Variants in LHFPL2 observed in about 807,000 individuals in gnomAD.
LHFPL2 encodes the protein LHFPL tetraspan subfamily member 2.
A neutral mutation model predicts 17.5 loss-of-function variants in LHFPL2; 7 were observed. The observed-to-expected ratio is 0.40, with a 90% confidence interval of 0.23 to 0.75. The LOEUF (loss-of-function observed/expected upper bound fraction) is 0.75, where lower values mean the gene tolerates loss of function less well. Among genes scored for constraint, LHFPL2 ranks in the 30% least tolerant of loss-of-function variants. LHFPL2 has a pLI of 0.37. For synonymous variants in LHFPL2, 134 were observed against 116.2 expected (o/e 1.15, Z -0.99); for missense variants, 241 against 294.8 (o/e 0.82, Z 1.34).
intron 2 of LHFPL2, among the ~76,000 whole-genome samples, chr5:78,628,370 G>C (rs927994632): frequency 6.6e-6 from 1 of 152,212 alleles, no homozygotes; most frequent in African/African-American, 2.4e-5. Flanking sequence ...AGGCCAATGG[G>C]ATTAGTAATT....
intron 1 of LHFPL2, among the ~76,000 whole-genome samples, chr5:78,647,930 G>A (rs569807039): frequency 6.6e-6 from 1 of 151,960 alleles, no homozygotes; most frequent in Non-Finnish European, 1.5e-5. Context: ...CCCAGATGCG[G>A]TCTTCCCCAC....
At chr5:78,494,571 C>T in intron 4 of LHFPL2, 6 of 963,890 alleles carry the variant, frequency 6.2e-6, no homozygotes, top group Non-Finnish European at 6.2e-6. Context: ...GATGGTCAGT[C>T]ACTTGGACTG....
chr5:78,611,494 G>A (rs1744421971), intron 2 of LHFPL2, among the ~76,000 whole-genome samples: 1 of 152,190 alleles, frequency 6.6e-6, no homozygotes, highest in African/African-American at 2.4e-5. Context: ...CTGGCCCCAG[G>A]AAGTCCCGCC....
chr5:78,553,521 G>T lies in LHFPL2; in HGVS notation c.-186+11292C>A, dbSNP rs186793304. 1.2e-4 allele frequency among the ~76,000 whole-genome samples: 18 copies of T among 152,290 alleles called. No homozygotes were observed. The East Asian group carries it at 3.3e-3, about 28-fold the overall frequency. On this transcript the variant is annotated intron_variant, in intron 3 of 4. Transcript: ENST00000380345. The stretch of plus-strand genomic sequence containing the variant: ...AGTGATTAAATATCTGTAGTGTCCA[G>T]ATCATATCCCCTCACCCACTACATG...
chr5:78,530,655 A>G (rs1369183637), intron 3 of LHFPL2, among the ~76,000 whole-genome samples: 3 of 152,218 alleles, frequency 2.0e-5, no homozygotes, highest in Non-Finnish European at 4.4e-5. Context: ...GGCCTTATTA[A>G]TCACTTTTAT....
At chr5:78,618,128 G>A (rs990378378) in intron 2 of LHFPL2, among the ~76,000 whole-genome samples, 2 of 152,026 alleles carry the variant, frequency 1.3e-5, no homozygotes, top group Admixed American at 6.6e-5. Flanking sequence ...TTGAACCCGG[G>A]AGGCAGAGGT....
intron 2 of LHFPL2, among the ~76,000 whole-genome samples, chr5:78,575,307 G>A (rs1288202511): frequency 1.3e-5 from 2 of 152,212 alleles, no homozygotes; most frequent in East Asian, 3.8e-4. Context: ...CCAGCACTTT[G>A]GGAGGCCGAG....
At chr5:78,562,214 C>T (rs1006360613) in intron 3 of LHFPL2, among the ~76,000 whole-genome samples, 1 of 152,138 alleles carries the variant, frequency 6.6e-6, no homozygotes, top group Admixed American at 6.5e-5. Context: ...AAGGATTATC[C>T]ATGAGTAGAG....
rs138982792 is a variant in LHFPL2 at position 78,573,183 on chromosome 5, A to G, written c.-244-8312T>C. Among the ~76,000 whole-genome samples the G allele has an allele frequency of 6.2e-3, 937 of 152,312 alleles. 8 individuals carry two copies. The highest frequency in any genetic ancestry group is 0.021 in the African/African-American group (884 of 41,562). ...GAGTACAAGGAAAAAACTCATTTCT[A>G]CAAGATCCATGAACAGAATTGTCTA... On this transcript the variant is annotated intron_variant, in intron 2 of 4. Coordinates refer to ENST00000380345, the MANE Select transcript of LHFPL2 (RefSeq NM_005779.3).
chr5:78,582,055 T>A (rs1177475969), intron 2 of LHFPL2, among the ~76,000 whole-genome samples: 2 of 152,278 alleles, frequency 1.3e-5, no homozygotes, highest in Non-Finnish European at 2.9e-5. Flanking sequence ...CCATTACTTC[T>A]AGATTTTCTG....
At chr5:78,577,078 G>T (rs574865558) in intron 2 of LHFPL2, among the ~76,000 whole-genome samples, 2 of 152,284 alleles carry the variant, frequency 1.3e-5, no homozygotes, top group East Asian at 3.9e-4. Context: ...TTTTCTAAAA[G>T]GATAACCCCT....
intron 4 of LHFPL2, among the ~76,000 whole-genome samples, chr5:78,505,306 TGC>T (rs1754899236): frequency 5.9e-5 from 9 of 152,208 alleles, no homozygotes; most frequent in Admixed American, 2.0e-4. Context: ...TGTGTGTTGC[TGC>T]CTCTGCCAAG....
At chr5:78,544,610 G>C (rs549457377) in intron 3 of LHFPL2, among the ~76,000 whole-genome samples, 1 of 152,264 alleles carries the variant, frequency 6.6e-6, no homozygotes, top group East Asian at 1.9e-4. Context: ...TCAAGTAGCT[G>C]ATCTGTGCGG....
At chr5:78,637,085 G>A (rs1247115821) in intron 1 of LHFPL2, among the ~76,000 whole-genome samples, 1 of 152,084 alleles carries the variant, frequency 6.6e-6, no homozygotes, top group Non-Finnish European at 1.5e-5. Flanking sequence ...GAACCACCTA[G>A]AAGCTTTGTT....
chr5:78,490,939 C>T (rs2112286020), intron 4 of LHFPL2: 1 of 152,270 alleles, frequency 6.6e-6, no homozygotes, highest in East Asian at 1.9e-4. Flanking sequence ...TGTTTCTTTA[C>T]CTACCTTAAC....
chr5:78,618,328 G>GT (rs1744693277), intron 2 of LHFPL2, among the ~76,000 whole-genome samples: 1 of 152,196 alleles, frequency 6.6e-6, no homozygotes, highest in Non-Finnish European at 1.5e-5. Flanking sequence ...TCTGAAACAA[G>GT]TTTTAATGGT....
At chr5:78,513,058 T>C (rs1255215726) in intron 3 of LHFPL2, among the ~76,000 whole-genome samples, 1 of 152,158 alleles carries the variant, frequency 6.6e-6, no homozygotes, top group East Asian at 1.9e-4. Flanking sequence ...CCTGCCTGAA[T>C]GTAATTTTTC....
intron 1 of LHFPL2, among the ~76,000 whole-genome samples, chr5:78,637,836 T>C (rs952348735): frequency 2.0e-5 from 3 of 152,164 alleles, no homozygotes; most frequent in East Asian, 1.9e-4. Flanking sequence ...CAGCCAATTC[T>C]TGGGCACAGT....
At chr5:78,589,181 TA>T (rs1743536725) in intron 2 of LHFPL2, among the ~76,000 whole-genome samples, 1 of 151,984 alleles carries the variant, frequency 6.6e-6, no homozygotes, top group Non-Finnish European at 1.5e-5. Context: ...TAAAAAAAAT[TA>T]GAAGTTGGCC....
Sources: allele counts gnomAD v4.1 joint callset (sites outside exome capture counted in the v4.1 genomes callset), GRCh38; gene constraint gnomAD v4.1.1; transcripts MANE v1.5; gene names NCBI Gene and HGNC (gene_info 2026-07-23, HGNC 2026-07-21).